IQSEC1: variants seen among roughly 807,000 people sequenced by gnomAD.
The protein encoded by IQSEC1 is IQ motif and Sec7 domain ArfGEF 1.
A neutral mutation model predicts 91.0 loss-of-function variants in IQSEC1; 31 were observed. The observed-to-expected ratio is 0.34, with a 90% CI of 0.26 to 0.46. The LOEUF is 0.46. IQSEC1 is among the 20% of genes least tolerant of loss of function. The pLI is 1.00. For synonymous variants in IQSEC1, 699 were observed against 662.6 expected (o/e 1.05, Z -0.84); for missense variants, 1,388 against 1,575.6 (o/e 0.88, Z 2.02).
At chr3:13,125,165 T>A (rs1307924978) in intron 2 of IQSEC1, among the ~76,000 whole-genome samples, 2 of 152,172 alleles carry the variant, frequency 1.3e-5, no homozygotes, top group East Asian at 1.9e-4. Flanking sequence ...ACATCATCTG[T>A]CTTCCACATC....
rs763456049 is a variant in IQSEC1 at position 12,941,705 on chromosome 3, G to A, written c.184C>T (p.Gln62Ter). 3 of 1,612,752 alleles carry A rather than the reference G, an allele frequency of 1.9e-6. No homozygotes were observed. The highest frequency in any genetic ancestry group is 2.5e-6 in the Non-Finnish European group (3 of 1,179,978). ...AGCTTGGGCCTCCGCGTGCGCTGCT[G>A]TTGCCCCGGCGGCCCCGAGTACAGC... ...YGLYSGPPGQQQRTRRPKLQH... is the reference protein window; with the variant it reads ...YGLYSGPPGQ Residue 62 changes from glutamine (Q) to a stop codon, truncating the protein, a stop_gained, in exon 2 of 14, where the codon CAG (glutamine) becomes TAG (stop). Transcript: ENST00000613206. LOFTEE classifies it high-confidence loss of function.
At chr3:13,263,271 AC>A (rs1282214788) in intron 1 of IQSEC1, among the ~76,000 whole-genome samples, 1 of 152,068 alleles carries the variant, frequency 6.6e-6, no homozygotes, top group Non-Finnish European at 1.5e-5. Context: ...ACAAAACAAA[AC>A]AAAAAACCAA....
upstream of IQSEC1, among the ~76,000 whole-genome samples, chr3:13,076,034 G>T (rs957586204): frequency 6.6e-6 from 1 of 152,334 alleles, no homozygotes. Flanking sequence ...GTCGTGAGAG[G>T]GTCCTGATCA....
chr3:13,166,387 G>A (rs1693496466), intron 1 of IQSEC1, among the ~76,000 whole-genome samples: 1 of 152,194 alleles, frequency 6.6e-6, no homozygotes, highest in Admixed American at 6.5e-5. Context: ...TCCAGTGCTT[G>A]TTATGTGGCT....
intron 1 of IQSEC1, among the ~76,000 whole-genome samples, chr3:12,956,491 C>A (rs888593025): frequency 1.3e-5 from 2 of 152,228 alleles, no homozygotes; most frequent in Admixed American, 1.3e-4. Context: ...GCAGTGACCA[C>A]AATCCACAAT....
At chr3:13,170,866 G>A (rs1476634489) in intron 1 of IQSEC1, among the ~76,000 whole-genome samples, 4 of 152,122 alleles carry the variant, frequency 2.6e-5, no homozygotes, top group African/African-American at 4.8e-5. Context: ...TTGGGAGGCC[G>A]AGGTGGGTGG....
intron 9 of IQSEC1, among the ~76,000 whole-genome samples, chr3:12,912,819 CTTTT>C (rs1300882731): frequency 6.6e-6 from 1 of 152,156 alleles, no homozygotes; most frequent in Non-Finnish European, 1.5e-5. Flanking sequence ...TCCATGCCAC[CTTTT>C]TTTCTGGCAA....
chr3:13,079,402 C>T lies in IQSEC1; in HGVS notation c.303-31880G>A, dbSNP rs866943797. Among the ~76,000 whole-genome samples the T allele has an allele frequency of 8.5e-5, 13 of 152,220 alleles. No individual in the cohort carries two copies. In the East Asian group the frequency reaches 1.7e-3, roughly 20 times the overall value. Reference sequence around the variant, plus strand: ...GAGGAAGGGAGCAGCATGCCTTGGGCGGTGGTGGACACCCAGCAAATTTCC... The same window carrying T: ...GAGGAAGGGAGCAGCATGCCTTGGGTGGTGGTGGACACCCAGCAAATTTCC... On this transcript the variant is annotated intron_variant, in intron 2 of 15. Transcript: ENST00000648114.
At chr3:13,266,398 G>A (rs570413355) in intron 1 of IQSEC1, among the ~76,000 whole-genome samples, 2 of 152,200 alleles carry the variant, frequency 1.3e-5, no homozygotes, top group East Asian at 1.9e-4. Context: ...TAGCCCAAAC[G>A]CCAGCCTCTT....
intron 1 of IQSEC1, among the ~76,000 whole-genome samples, chr3:13,182,094 A>G (rs1040698286): frequency 2.6e-5 from 4 of 152,208 alleles, no homozygotes; most frequent in African/African-American, 9.7e-5. Context: ...TCAACCACTC[A>G]TGGTCTGCAG....
intron 1 of IQSEC1, among the ~76,000 whole-genome samples, chr3:13,173,889 T>G (rs1483265339): frequency 6.6e-6 from 1 of 152,096 alleles, no homozygotes; most frequent in Admixed American, 6.5e-5. Flanking sequence ...GAACTCGGAG[T>G]GAGCCTGGCC....
At chr3:13,046,517 G>A (rs1170877519) in intron 1 of IQSEC1, among the ~76,000 whole-genome samples, 1 of 152,222 alleles carries the variant, frequency 6.6e-6, no homozygotes, top group African/African-American at 2.4e-5. Context: ...GTGGGGCCCA[G>A]CCCTTGGTTG....
chr3:13,109,069 C>A (rs1054599380), intron 2 of IQSEC1, among the ~76,000 whole-genome samples: 2 of 152,210 alleles, frequency 1.3e-5, no homozygotes, highest in Non-Finnish European at 2.9e-5. Flanking sequence ...TGGCCTCCAA[C>A]CACCAACATG....
chr3:13,147,630 A>G (rs1465856677), intron 2 of IQSEC1, among the ~76,000 whole-genome samples: 1 of 152,166 alleles, frequency 6.6e-6, no homozygotes, highest in African/African-American at 2.4e-5. Flanking sequence ...ATAAACATGT[A>G]TGTGCCGGTG....
intron 12 of IQSEC1, among the ~76,000 whole-genome samples, chr3:12,904,336 C>T (rs1312856116): frequency 1.3e-5 from 2 of 152,220 alleles, no homozygotes. Flanking sequence ...TGTGACGTGG[C>T]CCTCAGAGAC....
rs144197898 is a variant in IQSEC1, at chr3:13,158,212, C to T, written c.302+5892G>A. ...ATGGCTGGATAGCGGCAGAGGGACC[C>T]GGCCCAGCCCCAGCCCGTCTCTCAC... On this transcript the variant is annotated intron_variant, in intron 2 of 15. Transcript: ENST00000648114. Among the ~76,000 whole-genome samples the T allele has an allele frequency of 3.1e-3, 467 of 152,312 alleles. 5 individuals are homozygous for T. Among genetic ancestry groups the T allele is most frequent in the African/African-American group, 0.011 (443 of 41,560 alleles).
intron 1 of IQSEC1, among the ~76,000 whole-genome samples, chr3:13,275,474 G>A (rs921105884): frequency 2.6e-5 from 4 of 152,168 alleles, no homozygotes; most frequent in Non-Finnish European, 2.9e-5. Context: ...CAGTTGCACC[G>A]ACCTGTTACA....
At chr3:13,221,344 G>GT (rs1198825540) in intron 1 of IQSEC1, among the ~76,000 whole-genome samples, 1 of 152,214 alleles carries the variant, frequency 6.6e-6, no homozygotes. Flanking sequence ...GGGTGACACT[G>GT]TTCCTCCAAC....
intron 1 of IQSEC1, among the ~76,000 whole-genome samples, chr3:13,191,247 G>A (rs903184288): frequency 3.9e-5 from 6 of 152,166 alleles, no homozygotes; most frequent in East Asian, 1.9e-4. Context: ...CTGCATCCTC[G>A]CTGGGCTGTC....
Sources: allele counts gnomAD v4.1 joint callset (sites outside exome capture counted in the v4.1 genomes callset), GRCh38; gene constraint gnomAD v4.1.1; transcripts MANE v1.5; gene names NCBI Gene and HGNC (gene_info 2026-07-23, HGNC 2026-07-21).